TTC27: variants seen among roughly 807,000 people sequenced by gnomAD.
TTC27 encodes the protein tetratricopeptide repeat protein 27.
A neutral mutation model predicts 115.9 loss-of-function variants in TTC27; 79 were observed. The observed-to-expected ratio is 0.68, with a 90% confidence interval of 0.57 to 0.82. The LOEUF (loss-of-function observed/expected upper bound fraction) is 0.82. TTC27 is among the 40% of genes least tolerant of loss of function. The probability of loss-of-function intolerance (pLI) is 0.00; values close to 1 mark genes in which losing one functional copy is unlikely to be tolerated. For missense variants in TTC27, 1,054 were observed against 993.1 expected (o/e 1.06, Z -0.82); for synonymous variants, 401 against 356.0 (o/e 1.13, Z -1.42).
intron 4 of TTC27, among the ~76,000 whole-genome samples, chr2:32,644,585 C>G (rs557792423): frequency 6.6e-6 from 1 of 151,788 alleles, no homozygotes; most frequent in African/African-American, 2.4e-5. Flanking sequence ...GAAATTTTGC[C>G]TTTTTCTTTT....
intron 13 of TTC27, among the ~76,000 whole-genome samples, chr2:32,773,003 C>T (rs947465435): frequency 6.6e-6 from 1 of 152,144 alleles, no homozygotes; most frequent in African/African-American, 2.4e-5. Flanking sequence ...TCTCCTCTAT[C>T]ACACTCTAGG....
intron 10 of TTC27, among the ~76,000 whole-genome samples, chr2:32,722,343 A>G (rs991208910): frequency 1.3e-5 from 2 of 152,202 alleles, no homozygotes; most frequent in African/African-American, 4.8e-5. Context: ...TGCTCATGTG[A>G]TTGTAGCTGT....
intron 16 of TTC27, among the ~76,000 whole-genome samples, chr2:32,798,716 T>TA (rs1372846092): frequency 1.8e-5 from 2 of 113,834 alleles, no homozygotes; most frequent in African/African-American, 7.6e-5. Context: ...AAAAAAAAAA[T>TA]AATAATAATA....
chr2:32,713,819 G>A (rs1015880154), intron 10 of TTC27, among the ~76,000 whole-genome samples: 1 of 152,020 alleles, frequency 6.6e-6, no homozygotes, highest in Non-Finnish European at 1.5e-5. Flanking sequence ...TTGTTAAGTA[G>A]GTAAATTGTG....
chr2:32,679,879 C>A (rs1353650013), intron 9 of TTC27, among the ~76,000 whole-genome samples: 2 of 152,100 alleles, frequency 1.3e-5, no homozygotes, highest in African/African-American at 4.8e-5. Flanking sequence ...GTAACCCCAG[C>A]TACTCTAGAA....
chr2:32,630,704 G>A lies in TTC27; in HGVS notation c.266+4G>A. On this transcript the variant is annotated splice_donor_region_variant and intron_variant, in intron 2 of 19. Transcript: ENST00000317907. ...CAGATTTGGACACAACGGAAAGGTA[G>A]AATTTTATTTGAAATTTTCATAGAG... 6.3e-7 allele frequency: 1 copy of A among 1,595,944 alleles called. No individual in the cohort carries two copies. The highest frequency in any genetic ancestry group is 8.5e-7 in the Non-Finnish European group (1 of 1,173,156).
intron 8 of TTC27, among the ~76,000 whole-genome samples, chr2:32,676,635 C>T (rs940654558): frequency 6.6e-6 from 1 of 151,620 alleles, no homozygotes; most frequent in Non-Finnish European, 1.5e-5. Context: ...GGATTATAGG[C>T]ACTTGGCACC....
intron 15 of TTC27, among the ~76,000 whole-genome samples, chr2:32,783,266 A>C (rs532262286): frequency 6.6e-6 from 1 of 152,290 alleles, no homozygotes. Context: ...GAGAGAAATC[A>C]TGTCATCCTG....
chr2:32,817,643 A>G, intron 19 of TTC27, 86 bp downstream of exon 19: 2 of 1,187,546 alleles, frequency 1.7e-6, no homozygotes, highest in Non-Finnish European at 2.5e-6. Context: ...CTTCTTTTAC[A>G]TCAGTGATAA....
chr2:32,767,294 C>G (rs183179848), intron 13 of TTC27, among the ~76,000 whole-genome samples: 4 of 151,994 alleles, frequency 2.6e-5, no homozygotes, highest in Admixed American at 2.0e-4. Context: ...TAATAGAGGC[C>G]TGTAATTTAG....
chr2:32,758,934 A>G (rs1044779235), intron 13 of TTC27, among the ~76,000 whole-genome samples: 2 of 152,214 alleles, frequency 1.3e-5, no homozygotes, highest in East Asian at 3.8e-4. Flanking sequence ...AGCATATAGA[A>G]TGGATTCTTG....
At chr2:32,760,909 C>G (rs1271845149) in intron 13 of TTC27, among the ~76,000 whole-genome samples, 2 of 152,108 alleles carry the variant, frequency 1.3e-5, no homozygotes, top group African/African-American at 4.8e-5. Flanking sequence ...CTTGCTGGTT[C>G]CTAGGGGTGC....
intron 16 of TTC27, among the ~76,000 whole-genome samples, chr2:32,802,851 A>G (rs1670999825): frequency 6.6e-6 from 1 of 152,248 alleles, no homozygotes; most frequent in African/African-American, 2.4e-5. Context: ...CCTCCTGAGA[A>G]TACATATTAT....
At chr2:32,736,639 C>G (rs532021149) in intron 11 of TTC27, 55 bp from the exon 12 acceptor site, 1 of 1,606,420 alleles carries the variant, frequency 6.2e-7, no homozygotes, top group Non-Finnish European at 8.5e-7. Flanking sequence ...GCAAGTGAAA[C>G]AGGAATCTCT....
chr2:32,683,317 G>C (rs2034595), intron 9 of TTC27, among the ~76,000 whole-genome samples: 2 of 151,846 alleles, frequency 1.3e-5, no homozygotes, highest in Non-Finnish European at 2.9e-5. Flanking sequence ...CCTACCAGAA[G>C]TCTGTAAGCA....
At chr2:32,745,881 A>G (rs1321428514) in intron 12 of TTC27, among the ~76,000 whole-genome samples, 1 of 152,118 alleles carries the variant, frequency 6.6e-6, no homozygotes, top group African/African-American at 2.4e-5. Context: ...ATTGGCAAGC[A>G]TCTCTGGGCA....
intron 10 of TTC27, among the ~76,000 whole-genome samples, chr2:32,719,540 C>T (rs1415196331): frequency 6.6e-6 from 1 of 152,138 alleles, no homozygotes; most frequent in Non-Finnish European, 1.5e-5. Context: ...TAAAGAAGAA[C>T]ATTGGGCAGG....
intron 15 of TTC27, among the ~76,000 whole-genome samples, chr2:32,782,989 A>G (rs113166994): frequency 0.012 from 1,808 of 152,270 alleles, 34 homozygotes; most frequent in African/African-American, 0.04. Flanking sequence ...TAGTTGGTCA[A>G]CTCAGTTGAC....
intron 12 of TTC27, among the ~76,000 whole-genome samples, chr2:32,751,237 A>C (rs1668997962): frequency 6.8e-6 from 1 of 147,792 alleles, no homozygotes; most frequent in African/African-American, 2.5e-5. Context: ...TGTTCTGCTC[A>C]GTTTAAATGG....
Sources: gnomAD v4.1 joint callset for allele counts (sites outside exome capture counted in the v4.1 genomes callset) on GRCh38, gnomAD v4.1.1 for gene constraint, MANE v1.5 for transcripts, NCBI Gene and HGNC (gene_info 2026-07-23, HGNC 2026-07-21) for gene names.